The following PJA1 variants were observed in gnomAD, a reference collection of about 807,000 sequenced individuals.
PJA1 encodes praja ring finger ubiquitin ligase 1, also known as E3 ubiquitin-protein ligase Praja-1.
A neutral mutation model predicts 14.1 loss-of-function variants in PJA1; 5 were observed. The observed-to-expected ratio is 0.35, with a 90% CI of 0.18 to 0.74. The LOEUF (loss-of-function observed/expected upper bound fraction) is 0.74. Ranked by LOEUF, PJA1 falls within the 30% of genes least tolerant of loss-of-function variation. The pLI is 0.56. For synonymous variants in PJA1, 174 were observed against 190.9 expected (o/e 0.91, Z 0.73); for missense variants, 394 against 482.6 (o/e 0.82, Z 1.72).
chrX:69,163,235 C>T, intron 1 of PJA1, 95 bp from the exon 2 acceptor site: 1 of 1,203,333 alleles, frequency 8.3e-7, no homozygotes. Flanking sequence ...GATTCCTGAC[C>T]CATCACTCTG....
chrX:69,161,519 T>C lies in PJA1; in HGVS notation c.1555A>G (p.Ile519Val). Residue 519 changes from isoleucine (I) to valine (V), a missense_variant, in exon 2 of 2, where the codon ATT becomes GTT. Coordinates refer to ENST00000374571, the MANE Select transcript of PJA1 (RefSeq NM_001032396.4). ...ACCAGGATCTCGGGAAGAGCGTCAA[T>C]GCTCTCCTTGCTTGCTGGTGGATTG... ...VANPPASKESIDALPEILVTE... is the reference protein window; with the variant it reads ...VANPPASKESVDALPEILVTE... The C allele has an allele frequency of 8.3e-7, 1 of 1,210,821 alleles. No individual in the cohort carries two copies. Among genetic ancestry groups the C allele is most frequent in the Non-Finnish European group, 1.1e-6 (1 of 895,235 alleles).
Position 69,162,603 on chromosome X carries a change from C to T in PJA1, c.471G>A (p.Lys157=). 8.3e-7 allele frequency: 1 copy of T among 1,211,487 alleles called. No individual in the cohort carries two copies. Among genetic ancestry groups the T allele is most frequent in the Non-Finnish European group, 1.1e-6 (1 of 895,486 alleles). ...CCGAGCTGTCACCTTTTGTAGCCAGCTTGCCTTCAGAAGACGACTGTGAGG... is the reference window on the plus strand; with the variant it reads ...CCGAGCTGTCACCTTTTGTAGCCAGTTTGCCTTCAGAAGACGACTGTGAGG... The part of the protein sequence containing the change: ...SVASQSSSEG[K]LATKGDSSER... Residue 157 remains lysine, a synonymous_variant, in exon 2 of 2, where the codon AAG becomes AAA. Coordinates refer to ENST00000374571, the MANE Select transcript of PJA1 (RefSeq NM_001032396.4).
chrX:69,161,473 A>G lies in PJA1; in HGVS notation c.1601T>C (p.Val534Ala). ...EILVTEDHGA[V>A]GQEMCCPICC... The stretch of plus-strand genomic sequence containing the variant: ...GATGGGGCAGCACATCTCCTGACCA[A>G]CTGCGCCATGATCTTCAGTGACCAG... Residue 534 changes from valine to alanine, a missense_variant, in exon 2 of 2, where the codon GTT (valine) becomes GCT (alanine). Transcript: ENST00000374571. The G allele has an allele frequency of 1.7e-6, 2 of 1,211,840 alleles. No individual in the cohort carries two copies. The highest frequency in any genetic ancestry group is 2.2e-6 in the Non-Finnish European group (2 of 895,472).
Position 69,162,419 on chromosome X carries a change from A to T in PJA1, c.655T>A (p.Phe219Ile). ...TCGTCATCATCATCAGTATCAAAAA[A>T]AATTTTTGGTTTCACGCAGTTTGGA... ...ASPNCVKPKI[F>I]FDTDDDDDMP... The change falls in exon 2 of 2, where the codon TTT (phenylalanine) becomes ATT (isoleucine). Residue 219 changes from phenylalanine (F) to isoleucine (I), a missense_variant. By Grantham distance (21) the Phe-to-Ile change is conservative. Around this residue, in one of 2 missense-constraint regions of PJA1, gnomAD observed 378 missense variants for 439.3 expected, o/e 0.86. Coordinates refer to ENST00000374571, the MANE Select transcript of PJA1 (RefSeq NM_001032396.4). 1 of 1,211,170 alleles carries T rather than the reference A, an allele frequency of 8.3e-7. No individual in the cohort carries two copies. The highest frequency in any genetic ancestry group is 1.1e-6 in the Non-Finnish European group (1 of 895,439).
chrX:69,162,761 A>G lies in PJA1; in HGVS notation c.313T>C (p.Ser105Pro). 1 of 1,209,951 alleles carries G rather than the reference A, an allele frequency of 8.3e-7. No individual in the cohort carries two copies. Among genetic ancestry groups the G allele is most frequent in the Non-Finnish European group, 1.1e-6 (1 of 894,766 alleles). ...KLYDPEKGARSLAGPPPHFSS... is the reference protein window; with the variant it reads ...KLYDPEKGARPLAGPPPHFSS... ...AAATGTGGAGGTGGCCCAGCCAAAGACCTTGCCCCTTTCTCTGGGTCATAC... is the reference window on the plus strand; with the variant it reads ...AAATGTGGAGGTGGCCCAGCCAAAGGCCTTGCCCCTTTCTCTGGGTCATAC... The change falls in exon 2 of 2, where the codon TCT becomes CCT. Residue 105 changes from serine (S) to proline (P), a missense_variant. Ser to Pro is a moderately conservative substitution (Grantham distance 74, BLOSUM62 -1). This residue lies in a region of PJA1 where 378 missense variants were observed against 439.3 expected (regional missense o/e 0.86). Transcript: ENST00000374571.
rs1304890039 is a variant in PJA1, at chrX:69,163,125, C to T, written c.-52G>A. On this transcript the variant is annotated 5_prime_UTR_variant, in exon 2 of 2. Transcript: ENST00000374571. ...GGCTGGCAATCCTTTCCCGCTGGCT[C>T]GTGGGTGGCCTGAAACTGACATAAG... 20 of 1,208,635 alleles carry T rather than the reference C, an allele frequency of 1.7e-5. No individual in the cohort carries two copies. The highest frequency in any genetic ancestry group is 3.5e-5 in the South Asian group (2 of 56,621).
Position 69,161,689 on chromosome X carries a change from A to G in PJA1, c.1385T>C (p.Phe462Ser). The change falls in exon 2 of 2, where the codon TTT becomes TCT. Residue 462 changes from phenylalanine (F) to serine (S), a missense_variant. Phe to Ser is a radical substitution (Grantham distance 155, BLOSUM62 -2). Transcript: ENST00000374571. ...TTCAGCCACTCCTAACCCATCTGCAAATCCATCAAAGAGGCTCCAATCCAC... is the reference window on the plus strand; with the variant it reads ...TTCAGCCACTCCTAACCCATCTGCAGATCCATCAAAGAGGCTCCAATCCAC... ...LEVDWSLFDG[F>S]ADGLGVAEAI... The G allele has an allele frequency of 8.3e-7, 1 of 1,211,478 alleles. No homozygotes were observed. Among genetic ancestry groups the G allele is most frequent in the Non-Finnish European group, 1.1e-6 (1 of 895,432 alleles).
chrX:69,162,855 C>G lies in PJA1; in HGVS notation c.219G>C (p.Glu73Asp). Residue 73 changes from glutamate (E) to aspartate (D), a missense_variant, in exon 2 of 2, where the codon GAG becomes GAC. Glu to Asp is a conservative substitution (Grantham distance 45, BLOSUM62 2). Around this residue, in one of 2 missense-constraint regions of PJA1, gnomAD observed 378 missense variants for 439.3 expected, o/e 0.86. Transcript: ENST00000374571. ...IDSYGADDSE[E>D]EGAGPVERPP... ...GTCGCTCAACAGGCCCAGCCCCCTC[C>G]TCCTCACTATCATCTGCCCCATAAG... The G allele has an allele frequency of 8.3e-7, 1 of 1,211,781 alleles. No individual in the cohort carries two copies. Among genetic ancestry groups the G allele is most frequent in the Non-Finnish European group, 1.1e-6 (1 of 895,574 alleles).
chrX:69,164,512 C>G (rs781495907), intron 1 of PJA1, among the ~76,000 whole-genome samples: 175 of 107,648 alleles, frequency 1.6e-3, no homozygotes, highest in African/African-American at 5.6e-3. Context: ...CGAGAGCACG[C>G]AGAGGCCGAG....
At position 69,161,803 on chromosome X, in the gene PJA1, G is replaced by A. The variant is rs148147023; in HGVS notation, c.1271C>T (p.Ser424Phe). 5 of 1,209,630 alleles carry A rather than the reference G, an allele frequency of 4.1e-6. No homozygotes were observed. Among genetic ancestry groups the A allele is most frequent in the Admixed American group, 4.4e-5 (2 of 45,868 alleles). Reference protein sequence around the residue: ...NDSSSEGDNDSGHELMQPGVF... With the variant: ...NDSSSEGDNDFGHELMQPGVF... ...CCCAGGTTGCATCAACTCGTGACCA[G>A]AATCATTATCCCCCTCACTGCTACT... The change falls in exon 2 of 2, where the codon TCT (serine) becomes TTT (phenylalanine). Residue 424 changes from serine to phenylalanine, a missense_variant. Transcript: ENST00000374571.
In PJA1 at chrX:69,162,206, T is replaced by A; in HGVS notation, c.868A>T (p.Met290Leu). ...TGCGTCCAGAAGTCAGGGTCGGCCA[T>A]GGTGCGTCGTCGTCTCGGCACCTTT... ...PEKVPRRRRT[M>L]ADPDFWTHSD... Residue 290 changes from methionine to leucine, a missense_variant, in exon 2 of 2, where the codon ATG (methionine) becomes TTG (leucine). By Grantham distance (15) the Met-to-Leu change is conservative. Transcript: ENST00000374571. The A allele has an allele frequency of 8.3e-7, 1 of 1,211,270 alleles. No homozygotes were observed. The highest frequency in any genetic ancestry group is 1.1e-6 in the Non-Finnish European group (1 of 895,429).
At chrX:69,164,335 GCAGA>G (rs1925189142) in intron 1 of PJA1, among the ~76,000 whole-genome samples, 2 of 110,097 alleles carry the variant, frequency 1.8e-5, no homozygotes, top group African/African-American at 6.6e-5. Flanking sequence ...GACACACGTG[GCAGA>G]CAGAGCAATA....
Position 69,160,910 on chromosome X carries a change from G to A in PJA1, c.*397C>T, listed in dbSNP as rs1284545076. 1 of 129,327 alleles carries A rather than the reference G, an allele frequency of 7.7e-6. No individual in the cohort carries two copies. The highest frequency in any genetic ancestry group is 3.2e-5 in the African/African-American group (1 of 31,402). The allele number at this position is 129,327 out of a possible 1,213,427, so 10.7% of individuals were successfully genotyped here. A position where few individuals can be genotyped will look rare whatever the true frequency, so the allele number is the denominator to read the frequency against. On this transcript the variant is annotated 3_prime_UTR_variant, in exon 2 of 2. Transcript: ENST00000374571. Reference sequence around the variant, plus strand: ...AAGCTTTTACGGCACTGCAATTACAGGAACATCGACCCATAACATGCAACA... The same window carrying A: ...AAGCTTTTACGGCACTGCAATTACAAGAACATCGACCCATAACATGCAACA...
Position 69,162,802 on chromosome X carries a change from A to C in PJA1, c.272T>G (p.Phe91Cys), listed in dbSNP as rs749553103. The C allele has an allele frequency of 1.2e-4, 148 of 1,208,664 alleles. No individual in the cohort carries two copies. Among genetic ancestry groups the C allele is most frequent in the Non-Finnish European group, 1.6e-4 (144 of 894,906 alleles). ...RPPVRGKTGK[F>C]KDDKLYDPEK... ...TGGGTCATACAGCTTATCATCTTTA[A>C]ACTTGCCAGTTTTCCCTCTCACTGG... Residue 91 changes from phenylalanine to cysteine, a missense_variant, in exon 2 of 2, where the codon TTT becomes TGT. By Grantham distance (205) the Phe-to-Cys change is radical. Coordinates refer to ENST00000374571, the MANE Select transcript of PJA1 (RefSeq NM_001032396.4).
chrX:69,164,796 A>G (rs1270811293), intron 1 of PJA1, among the ~76,000 whole-genome samples: 1 of 110,110 alleles, frequency 9.1e-6, no homozygotes, highest in African/African-American at 3.3e-5. Context: ...GGAAAAGGCC[A>G]TCAGCTCAAA....
chrX:69,163,564 T>G (rs1925147010), intron 1 of PJA1: 2 of 246,583 alleles, frequency 8.1e-6, no homozygotes, highest in Non-Finnish European at 7.5e-6. Context: ...GGGGGGTGAC[T>G]GGACGCTTGG....
chrX:69,164,320 T>C (rs1925188655), intron 1 of PJA1, among the ~76,000 whole-genome samples: 2 of 109,626 alleles, frequency 1.8e-5, no homozygotes, highest in African/African-American at 6.7e-5. Flanking sequence ...AAGAGAGCTG[T>C]GTCTGACACA....
chrX:69,164,501 G>C (rs1440160224), intron 1 of PJA1, among the ~76,000 whole-genome samples: 1 of 108,617 alleles, frequency 9.2e-6, no homozygotes, highest in African/African-American at 3.4e-5. Flanking sequence ...GCATGTGTTC[G>C]CGAGAGCACG....
rs1414334678 is a variant in PJA1, at chrX:69,162,308, C to T, written c.766G>A (p.Glu256Lys). The change falls in exon 2 of 2, where the codon GAG becomes AAG. Residue 256 changes from glutamate to lysine, a missense_variant. This residue lies in a region of PJA1 where 378 missense variants were observed against 439.3 expected (regional missense o/e 0.86). Transcript: ENST00000374571. ...SDGLARRGRG[E>K]SSSGYPEPKY... ...GGCTCGGGATAGCCACTTGAACTCT[C>T]GCCTCTCCCTCTTCTTGCCAGGCCA... 4.1e-6 allele frequency: 5 copies of T among 1,208,606 alleles called. No individual in the cohort carries two copies. Among genetic ancestry groups the T allele is most frequent in the Non-Finnish European group, 5.6e-6 (5 of 894,914 alleles).
Sources: allele counts gnomAD v4.1 joint callset (sites outside exome capture counted in the v4.1 genomes callset), GRCh38; gene constraint gnomAD v4.1.1; regional missense constraint gnomAD v4.1.1; transcripts MANE v1.5; gene names NCBI Gene and HGNC (gene_info 2026-07-23, HGNC 2026-07-21).